The following PRKCH variants were observed in gnomAD, a reference collection of about 807,000 sequenced individuals.
PRKCH encodes the protein protein kinase C eta.
Under a neutral mutation model 82.5 loss-of-function variants are expected in PRKCH, and 28 were observed. The observed-to-expected ratio is 0.34, with a 90% CI of 0.25 to 0.47. The LOEUF (loss-of-function observed/expected upper bound fraction) is 0.47, where lower values mean the gene tolerates loss of function less well. Ranked by LOEUF, PRKCH falls within the 20% of genes least tolerant of loss-of-function variation. The pLI is 1.00. For synonymous variants in PRKCH, 322 were observed against 327.4 expected (o/e 0.98, Z 0.18); for missense variants, 705 against 881.8 (o/e 0.80, Z 2.54).
At chr14:61,333,898 G>A (rs2140130104) in intron 1 of PRKCH, among the ~76,000 whole-genome samples, 2 of 152,258 alleles carry the variant, frequency 1.3e-5, no homozygotes, top group South Asian at 4.1e-4. Flanking sequence ...GATGAGATTG[G>A]TGAGGCCTGC....
At chr14:61,318,959 T>G (rs1339224064), upstream of PRKCH, among the ~76,000 whole-genome samples, 2 of 152,102 alleles carry the variant, frequency 1.3e-5, no homozygotes, top group African/African-American at 4.8e-5. Context: ...TCCCAAAGTG[T>G]TGGGTTTATA....
intron 2 of PRKCH, among the ~76,000 whole-genome samples, chr14:61,425,637 T>G (rs1883066004): frequency 6.6e-6 from 1 of 152,216 alleles, no homozygotes; most frequent in Non-Finnish European, 1.5e-5. Flanking sequence ...GACTTTGGAC[T>G]GTGGACTTTT....
chr14:61,290,811 AAAAG>A (rs1330714986), intron 1 of PRKCH, among the ~76,000 whole-genome samples: 1 of 152,248 alleles, frequency 6.6e-6, no homozygotes, highest in Non-Finnish European at 1.5e-5. Flanking sequence ...TGCTTAAAAA[AAAAG>A]AGAGAGATTA....
intron 9 of PRKCH, 68 bp downstream of exon 9, chr14:61,457,747 G>A (rs547258652): frequency 2.6e-6 from 4 of 1,559,424 alleles, no homozygotes; most frequent in Non-Finnish European, 3.5e-6. Flanking sequence ...GTAAGATACT[G>A]GAGATTTCAT....
chr14:61,356,513 T>C (rs1247873252), intron 1 of PRKCH, among the ~76,000 whole-genome samples: 1 of 152,192 alleles, frequency 6.6e-6, no homozygotes, highest in African/African-American at 2.4e-5. Context: ...GCTTTGACAA[T>C]GGCATATTTT....
chr14:61,307,650 T>G (rs1039991554), intron 1 of PRKCH, among the ~76,000 whole-genome samples: 5 of 152,246 alleles, frequency 3.3e-5, no homozygotes, highest in African/African-American at 1.2e-4. Flanking sequence ...GGACCCATTT[T>G]TCCTGTGTTC....
intron 1 of PRKCH, among the ~76,000 whole-genome samples, chr14:61,374,490 A>G (rs1366958256): frequency 2.0e-5 from 3 of 151,992 alleles, no homozygotes; most frequent in African/African-American, 4.8e-5. Flanking sequence ...CCTGCAGCAG[A>G]CTTCTGCCTG....
At chr14:61,548,843 C>T (rs2043292384) in intron 13 of PRKCH, among the ~76,000 whole-genome samples, 1 of 125,808 alleles carries the variant, frequency 7.9e-6, no homozygotes, top group African/African-American at 3.1e-5. Flanking sequence ...GCCTGGGCAA[C>T]TGAGTTAGAC....
chr14:61,273,077 G>C (rs1023019458), intron 1 of PRKCH, among the ~76,000 whole-genome samples: 2 of 152,098 alleles, frequency 1.3e-5, no homozygotes, highest in Admixed American at 1.3e-4. Context: ...TCTTTTACAT[G>C]TACATTTTTC....
At chr14:61,441,603 C>G (rs1334242726) in intron 2 of PRKCH, among the ~76,000 whole-genome samples, 1 of 152,096 alleles carries the variant, frequency 6.6e-6, no homozygotes, top group Admixed American at 6.5e-5. Context: ...ATCCTCTGCC[C>G]CATTTTTACT....
intron 10 of PRKCH, among the ~76,000 whole-genome samples, chr14:61,512,604 T>C (rs926329561): frequency 6.6e-6 from 1 of 152,188 alleles, no homozygotes; most frequent in African/African-American, 2.4e-5. Flanking sequence ...TTTTAAAAAA[T>C]ACCCAAAGCA....
chr14:61,530,985 G>A (rs923361732), intron 12 of PRKCH, among the ~76,000 whole-genome samples: 3 of 152,176 alleles, frequency 2.0e-5, no homozygotes, highest in African/African-American at 7.2e-5. Flanking sequence ...GTTTCTGTTG[G>A]CATCTTCAAG....
chr14:61,434,741 G>A (rs537820177), intron 2 of PRKCH, among the ~76,000 whole-genome samples: 2 of 152,306 alleles, frequency 1.3e-5, no homozygotes, highest in Middle Eastern at 6.8e-3. Context: ...ATATGGCATA[G>A]CTGGGCAGAG....
chr14:61,214,670 C>A (rs1217067051), intron 1 of PRKCH, among the ~76,000 whole-genome samples: 1 of 152,110 alleles, frequency 6.6e-6, no homozygotes, highest in African/African-American at 2.4e-5. Context: ...CTCACCCTTC[C>A]CCATCTGACC....
rs945528934 is a variant in PRKCH at position 61,516,902 on chromosome 14, A to G, written c.1434-12173A>G. Among the ~76,000 whole-genome samples the G allele has an allele frequency of 3.9e-5, 6 of 152,196 alleles. 1 individual carries two copies. The highest frequency in any genetic ancestry group is 1.4e-4 in the African/African-American group (6 of 41,430). ...ATTAGAGAACCAAGCAATATCATCT[A>G]TAATCTAAAAGTAAAATGTGAGGTA... On this transcript the variant is annotated intron_variant, in intron 10 of 13. Coordinates refer to ENST00000332981, the MANE Select transcript of PRKCH (RefSeq NM_006255.5).
chr14:61,417,280 G>T (rs892122539), intron 2 of PRKCH, among the ~76,000 whole-genome samples: 1 of 152,134 alleles, frequency 6.6e-6, no homozygotes, highest in Non-Finnish European at 1.5e-5. Flanking sequence ...ACATAGAACC[G>T]TCATTACTTT....
At chr14:61,479,375 A>C (rs1376023972) in intron 9 of PRKCH, among the ~76,000 whole-genome samples, 1 of 152,204 alleles carries the variant, frequency 6.6e-6, no homozygotes, top group African/African-American at 2.4e-5. Context: ...GGCTGTGCAC[A>C]GATGCTGAGC....
At chr14:61,351,176 A>G (rs1297279574) in intron 1 of PRKCH, among the ~76,000 whole-genome samples, 1 of 152,228 alleles carries the variant, frequency 6.6e-6, no homozygotes, top group African/African-American at 2.4e-5. Context: ...ATTCCCAAAA[A>G]TAGTTGATTG....
At chr14:61,260,445 G>T (rs1394512414) in intron 1 of PRKCH, among the ~76,000 whole-genome samples, 1 of 152,002 alleles carries the variant, frequency 6.6e-6, no homozygotes, top group Admixed American at 6.6e-5. Flanking sequence ...ATTTATTGAG[G>T]GCCCATCAAG....
Sources: allele counts gnomAD v4.1 joint callset (sites outside exome capture counted in the v4.1 genomes callset), GRCh38; gene constraint gnomAD v4.1.1; transcripts MANE v1.5; gene names NCBI Gene and HGNC (gene_info 2026-07-23, HGNC 2026-07-21).